The following PPARGC1B variants were observed in gnomAD, a reference collection of about 807,000 sequenced individuals.
PPARGC1B encodes the protein peroxisome proliferator-activated receptor gamma coactivator 1-beta.
Under a neutral mutation model 101.6 loss-of-function variants are expected in PPARGC1B, and 34 were observed. The observed-to-expected ratio is 0.33, with a 90% CI of 0.25 to 0.45. PPARGC1B has a LOEUF of 0.45. Ranked by LOEUF, PPARGC1B falls within the 20% of genes least tolerant of loss-of-function variation. The pLI, the probability that PPARGC1B is intolerant of heterozygous loss-of-function variation, is 1.00. For synonymous variants in PPARGC1B, 548 were observed against 539.3 expected, an observed-to-expected ratio of 1.02 and a Z score of -0.22; for missense variants, 1,234 against 1,317.6, an observed-to-expected ratio of 0.94 and a Z score of 0.98.
intron 1 of PPARGC1B, among the ~76,000 whole-genome samples, chr5:149,815,012 T>G (rs1758000837): frequency 6.6e-6 from 1 of 152,236 alleles, no homozygotes; most frequent in Admixed American, 6.5e-5. Flanking sequence ...AACCCTTGCC[T>G]GAAGCTCCAT....
chr5:149,823,527 G>T (rs919557218), intron 2 of PPARGC1B, among the ~76,000 whole-genome samples: 1 of 152,128 alleles, frequency 6.6e-6, no homozygotes, highest in Non-Finnish European at 1.5e-5. Flanking sequence ...AGCTCAGGAA[G>T]ACTGGGGGTG....
intron 1 of PPARGC1B, among the ~76,000 whole-genome samples, chr5:149,764,916 C>A (rs1410920611): frequency 6.6e-6 from 1 of 152,216 alleles, no homozygotes; most frequent in Non-Finnish European, 1.5e-5. Context: ...CAAGCATGGA[C>A]TCCTCTTAGG....
intron 1 of PPARGC1B, among the ~76,000 whole-genome samples, chr5:149,805,062 G>A (rs1050816365): frequency 3.3e-5 from 5 of 152,322 alleles, no homozygotes; most frequent in Middle Eastern, 6.8e-3. Context: ...TGCCCCTCTT[G>A]ATGGGAGCTT....
intron 1 of PPARGC1B, among the ~76,000 whole-genome samples, chr5:149,766,770 A>C (rs191665661): frequency 5.3e-5 from 8 of 152,322 alleles, no homozygotes; most frequent in Admixed American, 3.9e-4. Context: ...GTGATTATTA[A>C]ATTATCTGTC....
At chr5:149,737,769 G>A (rs1410425457) in intron 1 of PPARGC1B, among the ~76,000 whole-genome samples, 1 of 152,208 alleles carries the variant, frequency 6.6e-6, no homozygotes, top group Non-Finnish European at 1.5e-5. Context: ...TGAGGTGGGT[G>A]GATCACCTGA....
At chr5:149,774,058 C>T (rs548492193) in intron 1 of PPARGC1B, among the ~76,000 whole-genome samples, 1 of 152,304 alleles carries the variant, frequency 6.6e-6, no homozygotes, top group African/African-American at 2.4e-5. Context: ...CACTGTAGCA[C>T]CAGTTAAGAG....
chr5:149,757,870 C>T (rs1035522955), intron 1 of PPARGC1B, among the ~76,000 whole-genome samples: 5 of 152,234 alleles, frequency 3.3e-5, no homozygotes, highest in African/African-American at 1.2e-4. Context: ...CCCACAGACC[C>T]ACATGGAGGC....
chr5:149,842,158 C>G, intron 9 of PPARGC1B, 98 bp from the exon 10 acceptor site: 1 of 1,475,908 alleles, frequency 6.8e-7, no homozygotes. Context: ...AGCCAGGCAT[C>G]ATGGACTAGG....
Position 149,837,051 on chromosome 5 carries a change from C to A in PPARGC1B, c.2596C>A (p.Pro866Thr). The change falls in exon 8 of 12, where the codon CCA becomes ACA. Residue 866 changes from proline (P) to threonine (T), a missense_variant. Transcript: ENST00000309241. This position sits in a 1 kb window ranked among gnomAD's most constrained non-coding sequence, Gnocchi z 4.2. ...CTCTTCACCCTGCCACTCCTGGTCACCAGCCACTCGAAGGAACTTCAGGTA... is the reference window on the plus strand; with the variant it reads ...CTCTTCACCCTGCCACTCCTGGTCAACAGCCACTCGAAGGAACTTCAGGTA... ...SGSSPCHSWS[P>T]ATRRNFRCES... 6.2e-7 allele frequency: 1 copy of A among 1,613,158 alleles called. No homozygotes were observed. Among genetic ancestry groups the A allele is most frequent in the Non-Finnish European group, 8.5e-7 (1 of 1,179,740 alleles).
chr5:149,822,735 T>C (rs1461948216), intron 2 of PPARGC1B, among the ~76,000 whole-genome samples: 1 of 152,266 alleles, frequency 6.6e-6, no homozygotes, highest in Non-Finnish European at 1.5e-5. Context: ...TGCAAGGTCC[T>C]TGGGGACAAA....
intron 2 of PPARGC1B, among the ~76,000 whole-genome samples, chr5:149,825,301 C>A (rs2113371882): frequency 6.6e-6 from 1 of 152,382 alleles, no homozygotes; most frequent in African/African-American, 2.4e-5. Context: ...AGTTGCTGAG[C>A]CTCCAGGAGC....
At chr5:149,831,744 A>G (rs551332688) in intron 4 of PPARGC1B, among the ~76,000 whole-genome samples, 9 of 152,196 alleles carry the variant, frequency 5.9e-5, no homozygotes, top group Admixed American at 1.3e-4. Context: ...CACAACGATG[A>G]GTCACACTTG....
intron 1 of PPARGC1B, among the ~76,000 whole-genome samples, chr5:149,743,136 CTTTG>C (rs1443488310): frequency 1.3e-5 from 2 of 151,378 alleles, no homozygotes; most frequent in Non-Finnish European, 2.9e-5. Context: ...CCTTTATAAC[CTTTG>C]TTTATGTGTT....
chr5:149,818,764 ATT>A (rs1758155523), intron 1 of PPARGC1B: 1 of 451,860 alleles, frequency 2.2e-6, no homozygotes, highest in South Asian at 1.6e-5. Context: ...TATTATCATT[ATT>A]TGTTATATTA....
Position 149,769,555 on chromosome 5 carries a change from C to T in PPARGC1B, c.78+39135C>T, listed in dbSNP as rs375090212. On this transcript the variant is annotated intron_variant, in intron 1 of 11. Coordinates refer to ENST00000309241, the MANE Select transcript of PPARGC1B (RefSeq NM_133263.4). ...TACTCCCCGGCCATGCCCTCGTCCT[C>T]TCTGGGCTTCAGGTTTCTCACTTAT... 5.9e-5 allele frequency among the ~76,000 whole-genome samples: 9 copies of T among 152,286 alleles called. No individual in the cohort carries two copies. The East Asian group carries it at 1.7e-3, about 29-fold the overall frequency.
intron 1 of PPARGC1B, among the ~76,000 whole-genome samples, chr5:149,766,344 A>G (rs1755912875): frequency 1.3e-5 from 2 of 152,218 alleles, no homozygotes; most frequent in African/African-American, 2.4e-5. Context: ...GTTAATCTAT[A>G]TATTTAAAGG....
rs1214423421 is a variant in PPARGC1B, at chr5:149,854,692, C to T, written c.*7134C>T. ...TTTTACATATTGTGGTTGTCATCGT[C>T]CCTATTTTATTTCTGGTGTGATTTC... is the stretch of plus-strand genomic sequence containing the variant. On this transcript the variant is annotated 3_prime_UTR_variant, in exon 12 of 12. Coordinates refer to ENST00000309241, the MANE Select transcript of PPARGC1B (RefSeq NM_133263.4). The T allele has an allele frequency of 6.6e-6, 1 of 151,962 alleles. No individual in the cohort carries two copies. The highest frequency in any genetic ancestry group is 1.5e-5 in the Non-Finnish European group (1 of 68,004). 9.4% of individuals were successfully genotyped at this position (151,962 alleles called of 1,614,324 possible).
chr5:149,782,274 C>T (rs1365382790), intron 1 of PPARGC1B, among the ~76,000 whole-genome samples: 2 of 151,954 alleles, frequency 1.3e-5, no homozygotes, highest in Non-Finnish European at 2.9e-5. Context: ...TTGGGTGTGG[C>T]CATTCCTCTT....
In PPARGC1B at chr5:149,845,932, A is replaced by G. The variant is rs1216930449; in HGVS notation, c.2971+18A>G. 12 of 1,614,120 alleles carry G rather than the reference A, an allele frequency of 7.4e-6. No individual in the cohort carries two copies. The African/African-American group carries it at 1.3e-4, about 18-fold the overall frequency. On this transcript the variant is annotated intron_variant, in intron 11 of 11. Coordinates refer to ENST00000309241, the MANE Select transcript of PPARGC1B (RefSeq NM_133263.4). ...TGACTACGGTAAGCCCCTGAAACCC[A>G]GCCACAGTCTAGTAAGACTCAAAGC...
Sources: gnomAD v4.1 joint callset for allele counts (sites outside exome capture counted in the v4.1 genomes callset) on GRCh38, gnomAD v4.1.1 for gene constraint, Gnocchi (gnomAD v3.1) non-coding constraint, MANE v1.5 for transcripts, NCBI Gene and HGNC (gene_info 2026-07-23, HGNC 2026-07-21) for gene names.